The following DYNC1I1 variants were observed in gnomAD, a reference collection of about 807,000 sequenced individuals.
The protein encoded by DYNC1I1 is cytoplasmic dynein 1 intermediate chain 1.
Under a neutral mutation model 86.6 loss-of-function variants are expected in DYNC1I1, and 43 were observed. That is an observed-to-expected ratio of 0.50 (90% CI 0.39 to 0.64). DYNC1I1 has a LOEUF of 0.64. Ranked by LOEUF, DYNC1I1 falls within the 30% of genes least tolerant of loss-of-function variation. The pLI is 0.00. For missense variants in DYNC1I1, 604 were observed against 788.8 expected, an observed-to-expected ratio of 0.77 and a Z score of 2.81; for synonymous variants, 262 against 283.7, an observed-to-expected ratio of 0.92 and a Z score of 0.77.
intron 1 of DYNC1I1, among the ~76,000 whole-genome samples, chr7:95,784,337 C>T (rs889157738): frequency 6.6e-6 from 1 of 152,146 alleles, no homozygotes; most frequent in African/African-American, 2.4e-5. Flanking sequence ...TGGAGGCATT[C>T]TGCTTGTTTG....
At chr7:95,944,716 C>T (rs926668245) in intron 6 of DYNC1I1, among the ~76,000 whole-genome samples, 35 of 152,092 alleles carry the variant, frequency 2.3e-4, no homozygotes, top group African/African-American at 7.2e-4. Flanking sequence ...AGTTCATGTC[C>T]TTTGGTGGGA....
At chr7:95,894,134 G>A (rs1392410599) in intron 6 of DYNC1I1, among the ~76,000 whole-genome samples, 2 of 151,490 alleles carry the variant, frequency 1.3e-5, no homozygotes, top group Non-Finnish European at 2.9e-5. Flanking sequence ...AAGCATCCTG[G>A]AACATCCCAG....
At chr7:95,830,081 C>T (rs1311156894) in intron 5 of DYNC1I1, among the ~76,000 whole-genome samples, 2 of 152,022 alleles carry the variant, frequency 1.3e-5, no homozygotes, top group Non-Finnish European at 2.9e-5. Flanking sequence ...TTTACAATTT[C>T]AAATATTGCC....
chr7:96,082,624 T>C (rs1241833753), intron 16 of DYNC1I1, among the ~76,000 whole-genome samples: 1 of 152,186 alleles, frequency 6.6e-6, no homozygotes, highest in Non-Finnish European at 1.5e-5. Flanking sequence ...GTTATATATA[T>C]ACACACTATA....
intron 6 of DYNC1I1, among the ~76,000 whole-genome samples, chr7:95,896,323 AT>A (rs1790881932): frequency 6.6e-6 from 1 of 152,202 alleles, no homozygotes; most frequent in Non-Finnish European, 1.5e-5. Context: ...CGTCCTAAAC[AT>A]CATGGCAAAA....
Position 96,028,250 on chromosome 7 carries a change from G to A in DYNC1I1, c.1045G>A (p.Val349Ile). 6.2e-7 allele frequency: 1 copy of A among 1,613,830 alleles called. No homozygotes were observed. The highest frequency in any genetic ancestry group is 8.5e-7 in the Non-Finnish European group (1 of 1,179,836). ...VVGGTYSGQI[V>I]LWDNRSHRRT... is the part of the protein sequence containing the mutation. Reference sequence around the variant, plus strand: ...TGGTGGGACTTACTCGGGCCAGATTGTCCTCTGGGACAATCGCAGTCATCG... The same window carrying A: ...TGGTGGGACTTACTCGGGCCAGATTATCCTCTGGGACAATCGCAGTCATCG... The change falls in exon 11 of 17, where the codon GTC (valine) becomes ATC (isoleucine). Residue 349 changes from valine to isoleucine, a missense_variant. By Grantham distance (29) the Val-to-Ile change is conservative (BLOSUM62 3). Coordinates refer to ENST00000447467, the MANE Select transcript of DYNC1I1 (RefSeq NM_001135556.2).
At chr7:95,948,242 A>G (rs1000194165) in intron 6 of DYNC1I1, among the ~76,000 whole-genome samples, 1 of 152,184 alleles carries the variant, frequency 6.6e-6, no homozygotes, top group Non-Finnish European at 1.5e-5. Context: ...ATGTGCATGT[A>G]TGTGAGACTT....
chr7:95,807,522 T>C (rs1794729666), intron 2 of DYNC1I1, among the ~76,000 whole-genome samples: 1 of 152,104 alleles, frequency 6.6e-6, no homozygotes, highest in African/African-American at 2.4e-5. Flanking sequence ...CCATTTTTTT[T>C]CTCCCTAAAA....
intron 10 of DYNC1I1, among the ~76,000 whole-genome samples, chr7:96,004,474 A>G (rs1236882441): frequency 6.6e-6 from 1 of 152,174 alleles, no homozygotes; most frequent in Non-Finnish European, 1.5e-5. Flanking sequence ...TATGTTATGC[A>G]GCATTACATC....
intron 5 of DYNC1I1, among the ~76,000 whole-genome samples, chr7:95,832,001 A>G (rs1227511): frequency 0.63 from 95,226 of 150,934 alleles, 30,816 homozygotes; most frequent in African/African-American, 0.77. Flanking sequence ...AAGTTTTAGC[A>G]TACATGTGCA....
At chr7:96,020,097 CAAAA>C (rs10595929) in intron 10 of DYNC1I1, among the ~76,000 whole-genome samples, 37 of 122,212 alleles carry the variant, frequency 3.0e-4, no homozygotes, top group Admixed American at 4.2e-4. Context: ...AAAAGAAAGC[CAAAA>C]AAAAAAAAAA....
At chr7:95,876,883 C>T (rs1450597989) in intron 6 of DYNC1I1, among the ~76,000 whole-genome samples, 2 of 152,008 alleles carry the variant, frequency 1.3e-5, no homozygotes, top group Admixed American at 1.3e-4. Flanking sequence ...ATGATAACAA[C>T]AACAAAACCG....
chr7:95,879,492 G>A (rs1159747635), intron 6 of DYNC1I1, among the ~76,000 whole-genome samples: 3 of 151,912 alleles, frequency 2.0e-5, no homozygotes, highest in Non-Finnish European at 4.4e-5. Context: ...TAATTATGGG[G>A]AGAGGAACAG....
intron 16 of DYNC1I1, among the ~76,000 whole-genome samples, chr7:96,103,753 C>T (rs1427214164): frequency 1.3e-5 from 2 of 152,108 alleles, no homozygotes; most frequent in African/African-American, 2.4e-5. Flanking sequence ...GCTGGGATTA[C>T]AGGCATATAC....
At chr7:95,804,943 A>G in intron 2 of DYNC1I1, 106 bp downstream of exon 2, 8 of 1,424,614 alleles carry the variant, frequency 5.6e-6, no homozygotes, top group Non-Finnish European at 7.4e-6. Context: ...TCCTTTTATG[A>G]TATCTGAATA....
At chr7:96,073,779 G>T (rs1317441172) in intron 14 of DYNC1I1, among the ~76,000 whole-genome samples, 1 of 152,170 alleles carries the variant, frequency 6.6e-6, no homozygotes, top group African/African-American at 2.4e-5. Flanking sequence ...AGAATTTGCA[G>T]TGGGAATAAT....
chr7:95,879,557 T>C (rs1790398101), intron 6 of DYNC1I1, among the ~76,000 whole-genome samples: 1 of 152,166 alleles, frequency 6.6e-6, no homozygotes, highest in African/African-American at 2.4e-5. Flanking sequence ...CATGCTTAGC[T>C]CTTGTGGCAT....
At position 95,955,023 on chromosome 7, in the gene DYNC1I1, G is replaced by A. The variant is rs578216351; in HGVS notation, c.491-22489G>A. Among the ~76,000 whole-genome samples, 13 of 151,468 alleles carry A rather than the reference G, an allele frequency of 8.6e-5. No individual in the cohort carries two copies. In the South Asian group the frequency reaches 1.0e-3, roughly 12 times the overall value. On this transcript the variant is annotated intron_variant, in intron 6 of 16. Coordinates refer to ENST00000447467, the MANE Select transcript of DYNC1I1 (RefSeq NM_001135556.2). The stretch of plus-strand genomic sequence containing the variant: ...CAGTGCTATGCAACATGTGCTCCCC[G>A]GAATGGGTCCAGTCCACAAACTATT...
In DYNC1I1 at chr7:95,902,650, AT is replaced by A. The variant is rs200777105; in HGVS notation, c.490+32659del. ...AACCATTGCATTTTAAGAACATGGC[AT>A]TTTTTTATAGTATTATTTATACTGT... On this transcript the variant is annotated intron_variant, in intron 6 of 16. Transcript: ENST00000447467. Among the ~76,000 whole-genome samples, 278 of 152,278 alleles carry A rather than the reference AT, an allele frequency of 1.8e-3. 1 individual carries two copies. The highest frequency in any genetic ancestry group is 5.1e-3 in the African/African-American group (211 of 41,548).
Sources: allele counts gnomAD v4.1 joint callset (sites outside exome capture counted in the v4.1 genomes callset), GRCh38; gene constraint gnomAD v4.1.1; transcripts MANE v1.5; gene names NCBI Gene and HGNC (gene_info 2026-07-23, HGNC 2026-07-21).